Variants in BTBD8 observed in about 807,000 individuals in gnomAD.
BTBD8 encodes the protein BTB domain containing 8, also known as BTB/POZ domain-containing protein 8.
A neutral mutation model predicts 162.9 loss-of-function variants in BTBD8; 110 were observed. The ratio of observed to expected loss-of-function variants is 0.68; its 90% CI spans 0.58 to 0.79. The LOEUF is 0.79. Among genes scored for constraint, BTBD8 ranks in the 30% least tolerant of loss-of-function variants. The pLI, the probability that BTBD8 is intolerant of heterozygous loss-of-function variation, is 0.00. For synonymous variants in BTBD8, 667 were observed against 716.1 expected (o/e 0.93, Z 1.10); for missense variants, 1,905 against 2,085.4 (o/e 0.91, Z 1.68).
chr1:92,095,040 G>C (rs1051793997), intron 2 of BTBD8, among the ~76,000 whole-genome samples: 3 of 152,124 alleles, frequency 2.0e-5, no homozygotes, highest in Admixed American at 6.6e-5. Context: ...TGATGGGGTT[G>C]GGGGAAAAGA....
chr1:92,137,959 G>T (rs1649672760), intron 5 of BTBD8, among the ~76,000 whole-genome samples: 1 of 152,154 alleles, frequency 6.6e-6, no homozygotes, highest in Non-Finnish European at 1.5e-5. Context: ...GCAATGAGAG[G>T]TTGGGGGTTT....
chr1:92,182,457 G>C lies in BTBD8; in HGVS notation c.4774G>C (p.Glu1592Gln). The C allele has an allele frequency of 5.2e-6, 8 of 1,551,568 alleles. No individual in the cohort carries two copies. Among genetic ancestry groups the C allele is most frequent in the Non-Finnish European group, 7.0e-6 (8 of 1,146,884 alleles). ...RPCHLDLHQR[E>Q]PNSDIPKNSS... Reference sequence around the variant, plus strand: ...ATGTCACTTGGATCTTCATCAAAGAGAACCCAATTCTGACATACCAAAGAA... The same window carrying C: ...ATGTCACTTGGATCTTCATCAAAGACAACCCAATTCTGACATACCAAAGAA... Residue 1592 changes from glutamate to glutamine, a missense_variant, in exon 17 of 18, where the codon GAA becomes CAA. By Grantham distance (29) the Glu-to-Gln change is conservative. Coordinates refer to ENST00000636805, the MANE Select transcript of BTBD8 (RefSeq NM_001376131.1).
chr1:92,091,907 C>A (rs997248239), intron 2 of BTBD8, among the ~76,000 whole-genome samples: 1 of 152,212 alleles, frequency 6.6e-6, no homozygotes, highest in Non-Finnish European at 1.5e-5. Context: ...TCCTCCTCCT[C>A]TCCCTTCTTT....
chr1:92,171,347 TA>T, intron 12 of BTBD8, 51 bp from the exon 13 acceptor site: 1 of 1,325,362 alleles, frequency 7.5e-7, no homozygotes. Context: ...CCTTTACTTC[TA>T]AGGTAATAAT....
intron 9 of BTBD8, among the ~76,000 whole-genome samples, chr1:92,161,931 A>G (rs929808473): frequency 6.6e-6 from 1 of 152,188 alleles, no homozygotes; most frequent in Admixed American, 6.5e-5. Flanking sequence ...CTTATTACAT[A>G]TGATGTACTG....
chr1:92,165,398 A>G (rs1002542201), intron 9 of BTBD8, among the ~76,000 whole-genome samples: 1 of 152,216 alleles, frequency 6.6e-6, no homozygotes, highest in Admixed American at 6.5e-5. Context: ...GATTAATTAC[A>G]AATGAATTAA....
intron 17 of BTBD8, among the ~76,000 whole-genome samples, chr1:92,182,838 A>G (rs965763860): frequency 1.3e-5 from 2 of 152,082 alleles, no homozygotes; most frequent in African/African-American, 4.8e-5. Flanking sequence ...CTAACCTACT[A>G]AGAGATTTTA....
chr1:92,130,956 G>A (rs1048506619), intron 5 of BTBD8, among the ~76,000 whole-genome samples: 5 of 152,158 alleles, frequency 3.3e-5, no homozygotes, highest in African/African-American at 1.2e-4. Context: ...ACCTTGCCTT[G>A]GCATCCCAAA....
intron 3 of BTBD8, among the ~76,000 whole-genome samples, chr1:92,104,987 C>T (rs1373052030): frequency 2.0e-5 from 3 of 151,714 alleles, no homozygotes; most frequent in East Asian, 3.9e-4. Flanking sequence ...GCTGGAGTGC[C>T]GTGGCACAAA....
chr1:92,168,838 C>A, intron 11 of BTBD8, 28 bp from the exon 12 acceptor site: 1 of 1,487,780 alleles, frequency 6.7e-7, no homozygotes, highest in Non-Finnish European at 9.1e-7. Flanking sequence ...TGGCTCTCAC[C>A]AGCTGCTGAT....
rs1397235629 is a variant in BTBD8 at position 92,129,767 on chromosome 1, C to G, written c.743C>G (p.Thr248Ser). 2 of 1,613,230 alleles carry G rather than the reference C, an allele frequency of 1.2e-6. No individual in the cohort carries two copies. Among genetic ancestry groups the G allele is most frequent in the African/African-American group, 2.7e-5 (2 of 74,876 alleles). The change falls in exon 5 of 18, where the codon ACT becomes AGT. Residue 248 changes from threonine (T) to serine (S), a missense_variant. This residue lies in a region of BTBD8 where 1,374 missense variants were observed against 1,442.7 expected (regional missense o/e 0.95). Transcript: ENST00000636805. ...GCTGAAAGCTCCCAAGAGTACGTTA[C>G]TCTTCAAGGGTAAGCATATTTTTAC... ...CWAESSQEYV[T>S]LQGISHVELN...
chr1:92,083,316 C>T (rs1648076033), intron 1 of BTBD8, among the ~76,000 whole-genome samples: 1 of 152,084 alleles, frequency 6.6e-6, no homozygotes, highest in Non-Finnish European at 1.5e-5. Context: ...CTCTCCTTAC[C>T]CATTTCTTTT....
At chr1:92,122,823 C>G (rs930245527) in intron 4 of BTBD8, among the ~76,000 whole-genome samples, 1 of 152,162 alleles carries the variant, frequency 6.6e-6, no homozygotes, top group African/African-American at 2.4e-5. Flanking sequence ...CCTTGGCCTC[C>G]CAAAGTGTTG....
At chr1:92,162,667 C>T (rs1035773398) in intron 9 of BTBD8, among the ~76,000 whole-genome samples, 3 of 152,082 alleles carry the variant, frequency 2.0e-5, no homozygotes, top group African/African-American at 7.2e-5. Flanking sequence ...AAAATACACC[C>T]TTGAATTGGC....
chr1:92,176,757 T>G (rs1235200488), intron 13 of BTBD8, 72 bp from the exon 14 acceptor site: 9 of 767,440 alleles, frequency 1.2e-5, no homozygotes, highest in Admixed American at 3.6e-5. Flanking sequence ...AAAGACTGGC[T>G]TTTGGAAACA....
chr1:92,080,806 C>T lies in BTBD8; in HGVS notation c.149+86C>T, dbSNP rs145365258. ...GCTGAGGCTTCTTTCGGCTCTGCCT[C>T]CCCCTCCCTCAGCACTTGGTTCTCC... On this transcript the variant is annotated intron_variant, in intron 1 of 17. Coordinates refer to ENST00000636805, the MANE Select transcript of BTBD8 (RefSeq NM_001376131.1). 26 of 1,523,458 alleles carry T rather than the reference C, an allele frequency of 1.7e-5. No homozygotes were observed. In the African/African-American group the frequency reaches 2.9e-4, roughly 17 times the overall value. 94.4% of individuals were successfully genotyped at this position (1,523,458 alleles called of 1,614,324 possible). A position where few individuals can be genotyped will look rare whatever the true frequency, so the allele number is the denominator to read the frequency against.
chr1:92,181,469 A>T lies in BTBD8; in HGVS notation c.3786A>T (p.Ile1262=). The T allele has an allele frequency of 6.4e-7, 1 of 1,551,738 alleles. No individual in the cohort carries two copies. The highest frequency in any genetic ancestry group is 2.4e-5 in the East Asian group (1 of 40,914). The change falls in exon 17 of 18, where the codon ATA becomes ATT. Residue 1262 remains isoleucine (I), a synonymous_variant. Transcript: ENST00000636805. ...TGSATTSSDD[I]KPRSEDYDAG... ...GTGCTACCACCTCCTCCGATGACAT[A>T]AAGCCCAGATCTGAAGACTATGATG... is the stretch of plus-strand genomic sequence containing the variant.
intron 4 of BTBD8, among the ~76,000 whole-genome samples, chr1:92,124,509 A>G (rs1037751424): frequency 2.0e-5 from 3 of 152,226 alleles, no homozygotes; most frequent in Non-Finnish European, 4.4e-5. Flanking sequence ...GCTAGCCAGG[A>G]GTTTGAGGCT....
intron 13 of BTBD8, 124 bp downstream of exon 13, chr1:92,171,584 A>G (rs1650548054): frequency 1.6e-6 from 1 of 616,844 alleles, no homozygotes; most frequent in African/African-American, 1.9e-5. Flanking sequence ...TCTTAATGGA[A>G]AATTTTTCTT....
Sources: gnomAD v4.1 joint callset for allele counts (sites outside exome capture counted in the v4.1 genomes callset) on GRCh38, gnomAD v4.1.1 for gene constraint, gnomAD v4.1.1 regional missense constraint, MANE v1.5 for transcripts, NCBI Gene and HGNC (gene_info 2026-07-23, HGNC 2026-07-21) for gene names.